EVC2: variants seen among roughly 807,000 people sequenced by gnomAD.
EVC2 encodes the protein limbin.
In EVC2, 148 loss-of-function variants were observed where a neutral mutation model predicts 149.3. The ratio of observed to expected loss-of-function variants is 0.99; its 90% CI spans 0.87 to 1.14. The LOEUF (loss-of-function observed/expected upper bound fraction) is 1.14, where lower values mean the gene tolerates loss of function less well. Among genes scored for constraint, EVC2 ranks in the 50% most tolerant of loss-of-function variants. The pLI, the probability that EVC2 is intolerant of heterozygous loss-of-function variation, is 0.00. For synonymous variants in EVC2, 776 were observed against 649.9 expected (o/e 1.19, Z -2.95); for missense variants, 1,854 against 1,627.3 (o/e 1.14, Z -2.40).
Position 5,623,415 on chromosome 4 carries a change from T to C in EVC2, c.2047-424A>G, listed in dbSNP as rs918323796. On this transcript the variant is annotated intron_variant, in intron 13 of 21. Transcript: ENST00000344408. ...AGTGCAGTGGCACTATCTTGGCTCA[T>C]TGCAACCTCCACCTCCCAGGTTCAA... Among the ~76,000 whole-genome samples, 6 of 152,146 alleles carry C rather than the reference T, an allele frequency of 3.9e-5. No individual in the cohort carries two copies. The East Asian group carries it at 5.8e-4, about 15-fold the overall frequency.
rs1446396752 is a variant in EVC2, at chr4:5,568,659, G to A, written c.3361-19C>T. The A allele has an allele frequency of 1.2e-6, 2 of 1,603,120 alleles. No individual in the cohort carries two copies. The highest frequency in any genetic ancestry group is 1.7e-5 in the Admixed American group (1 of 59,752). ...TCAGCTCCTACAGGAAACAACAGAG[G>A]GAGTTCAGACCCTCGCCGCCTCTCA... is the stretch of plus-strand genomic sequence containing the variant. On this transcript the variant is annotated intron_variant, in intron 19 of 21. Transcript: ENST00000344408.
rs142952894 is a variant in EVC2 at position 5,665,618 on chromosome 4, C to G, written c.902G>C (p.Gly301Ala). 32 of 1,614,182 alleles carry G rather than the reference C, an allele frequency of 2.0e-5. 1 individual carries two copies. In the African/African-American group the frequency reaches 3.2e-4, roughly 16 times the overall value. ...GGAGAGGAGGAAGGCAATGAAGAAC[C>G]CTGCTGCGTGGAGGCCGTGGTGCGG... ...VLPHHGLHAA[G>A]FFIAFLLSLV... Residue 301 changes from glycine to alanine, a missense_variant, in exon 8 of 22, where the codon GGG becomes GCG. Transcript: ENST00000344408.
chr4:5,543,762 T>C (rs905290464), intron 21 of EVC2, among the ~76,000 whole-genome samples: 1 of 152,130 alleles, frequency 6.6e-6, no homozygotes, highest in Non-Finnish European at 1.5e-5. Context: ...AAATGGTACC[T>C]GCTTATTAAT....
chr4:5,655,636 G>A (rs1718469827), intron 9 of EVC2, among the ~76,000 whole-genome samples: 1 of 151,970 alleles, frequency 6.6e-6, no homozygotes, highest in Non-Finnish European at 1.5e-5. Context: ...ATGGGAAATA[G>A]ACACAACTCG....
downstream of EVC2, among the ~76,000 whole-genome samples, chr4:5,540,452 A>G (rs1721492237): frequency 6.6e-6 from 1 of 152,252 alleles, no homozygotes; most frequent in African/African-American, 2.4e-5. Context: ...GTGAATGTGT[A>G]AACAATGTAT....
chr4:5,596,911 C>G (rs1713474469), intron 16 of EVC2, among the ~76,000 whole-genome samples: 1 of 152,158 alleles, frequency 6.6e-6, no homozygotes, highest in South Asian at 2.1e-4. Flanking sequence ...GAAATACAAA[C>G]TACCATCAGA....
At chr4:5,529,175 C>T in the EVC2 span, among the ~76,000 whole-genome samples, 10 of 152,190 alleles carry the variant, frequency 6.6e-5, no homozygotes, top group Non-Finnish European at 1.3e-4. This position sits in a 1 kb window ranked among gnomAD's most constrained non-coding sequence, Gnocchi z 4.5. Context: ...CTATGCTGGT[C>T]AATGGTACAT....
intron 1 of EVC2, among the ~76,000 whole-genome samples, chr4:5,698,005 C>A (rs1171606532): frequency 6.6e-6 from 1 of 152,128 alleles, no homozygotes; most frequent in Non-Finnish European, 1.5e-5. Flanking sequence ...CCTGCCTCAG[C>A]CTCCCAAAGC....
chr4:5,664,766 C>A (rs867863637), intron 8 of EVC2, among the ~76,000 whole-genome samples: 1 of 152,166 alleles, frequency 6.6e-6, no homozygotes, highest in African/African-American at 2.4e-5. Flanking sequence ...GAAACACACC[C>A]TTTACCAGAC....
chr4:5,646,667 T>C (rs114230769), intron 9 of EVC2, among the ~76,000 whole-genome samples: 1,817 of 152,302 alleles, frequency 0.012, 29 homozygotes, highest in African/African-American at 0.042. Flanking sequence ...CAATGGTGAA[T>C]AATGAGTTTG....
intron 17 of EVC2, among the ~76,000 whole-genome samples, chr4:5,582,204 A>C (rs2108785252): frequency 6.6e-6 from 1 of 152,338 alleles, no homozygotes; most frequent in Middle Eastern, 3.4e-3. Flanking sequence ...TGATAGATCC[A>C]CTGACAGCTT....
Position 5,614,949 on chromosome 4 carries a change from C to T in EVC2, c.2829+473G>A, listed in dbSNP as rs752002989. On this transcript the variant is annotated intron_variant, in intron 16 of 21. Coordinates refer to ENST00000344408, the MANE Select transcript of EVC2 (RefSeq NM_147127.5). The surrounding 1 kb of genome is among the most constrained non-coding windows in gnomAD (Gnocchi z 4.7). ...CCGAGATCACACCACTGCACTCCAG[C>T]CTGGGTGACAGAGTAAGACTCCATT... 1.2e-4 allele frequency among the ~76,000 whole-genome samples: 18 copies of T among 152,046 alleles called. No homozygotes were observed. Among genetic ancestry groups the T allele is most frequent in the African/African-American group, 1.7e-4 (7 of 41,376 alleles).
At chr4:5,621,588 C>T (rs560225366) in intron 14 of EVC2, among the ~76,000 whole-genome samples, 1 of 152,318 alleles carries the variant, frequency 6.6e-6, no homozygotes, top group African/African-American at 2.4e-5. Flanking sequence ...GTCTCTATTA[C>T]AGCACAAAAG....
intron 17 of EVC2, among the ~76,000 whole-genome samples, chr4:5,581,793 A>C (rs1711827665): frequency 1.3e-5 from 2 of 152,184 alleles, no homozygotes; most frequent in South Asian, 4.1e-4. Context: ...AGGAGGGAAG[A>C]ATGGTTTCCT....
Position 5,584,497 on chromosome 4 carries a change from T to C in EVC2, c.3057+126A>G, listed in dbSNP as rs1231556099. 4.1e-6 allele frequency: 4 copies of C among 973,328 alleles called. No homozygotes were observed. In the East Asian group the frequency reaches 7.9e-5, roughly 19 times the overall value. 60.3% of individuals were successfully genotyped at this position (973,328 alleles called of 1,614,324 possible). A position where few individuals can be genotyped will look rare whatever the true frequency, so the allele number is the denominator to read the frequency against. On this transcript the variant is annotated intron_variant, in intron 17 of 21. Coordinates refer to ENST00000344408, the MANE Select transcript of EVC2 (RefSeq NM_147127.5). ...CTCTCCAATATGTCACTTCGTTTAA[T>C]CCTCACCACAACCCCACAGCACAGA... is the stretch of plus-strand genomic sequence containing the variant.
At chr4:5,675,898 C>T (rs746252957) in intron 7 of EVC2, among the ~76,000 whole-genome samples, 5 of 152,174 alleles carry the variant, frequency 3.3e-5, no homozygotes, top group Non-Finnish European at 7.3e-5. Flanking sequence ...GAGCCGAGAT[C>T]GCGCCATTGC....
chr4:5,698,275 T>A (rs908140266), intron 1 of EVC2, among the ~76,000 whole-genome samples: 2 of 152,148 alleles, frequency 1.3e-5, no homozygotes, highest in African/African-American at 2.4e-5. Context: ...ATCAACTCTG[T>A]GGACCCTGGG....
chr4:5,607,341 C>T (rs1231909070), intron 16 of EVC2, among the ~76,000 whole-genome samples: 2 of 152,188 alleles, frequency 1.3e-5, no homozygotes, highest in African/African-American at 2.4e-5. Context: ...GGATAGGCAA[C>T]TACTAAATGA....
chr4:5,605,471 G>A (rs1220253958), intron 16 of EVC2, among the ~76,000 whole-genome samples: 1 of 152,308 alleles, frequency 6.6e-6, no homozygotes, highest in Admixed American at 6.5e-5. Context: ...CAGATAGACA[G>A]ATGACAGATA....
Sources: allele counts gnomAD v4.1 joint callset (sites outside exome capture counted in the v4.1 genomes callset), GRCh38; gene constraint gnomAD v4.1.1; non-coding constraint Gnocchi (gnomAD v3.1); transcripts MANE v1.5; gene names NCBI Gene and HGNC (gene_info 2026-07-23, HGNC 2026-07-21).